TWIST2: variants seen among roughly 807,000 people sequenced by gnomAD.
TWIST2 encodes twist family bHLH transcription factor 2, also known as twist-related protein 2.
Under a neutral mutation model 11.6 loss-of-function variants are expected in TWIST2, and 1 was observed. The ratio of observed to expected loss-of-function variants is 0.09; its 90% CI spans 0.03 to 0.41. The LOEUF (loss-of-function observed/expected upper bound fraction) is 0.41. TWIST2 is among the 10% of genes least tolerant of loss of function. TWIST2 has a pLI of 0.98. For synonymous variants in TWIST2, 87 were observed against 96.6 expected (o/e 0.90, Z 0.58); for missense variants, 168 against 226.4 (o/e 0.74, Z 1.66).
At chr2:238,870,570 A>C (rs1280858827) in intron 1 of TWIST2, among the ~76,000 whole-genome samples, 16 of 46,116 alleles carry the variant, frequency 3.5e-4, no homozygotes, top group African/African-American at 4.2e-4. Flanking sequence ...ACCACACACC[A>C]CACACCACAC....
chr2:238,879,416 C>T (rs963440789), intron 1 of TWIST2, among the ~76,000 whole-genome samples: 1 of 152,178 alleles, frequency 6.6e-6, no homozygotes, highest in African/African-American at 2.4e-5. Flanking sequence ...GCTTCTCATT[C>T]TACATGTTGG....
At chr2:238,909,682 G>C (rs1693420731) in intron 1 of TWIST2, among the ~76,000 whole-genome samples, 160 bp from the exon 2 acceptor site, 1 of 152,150 alleles carries the variant, frequency 6.6e-6, no homozygotes, top group East Asian at 1.9e-4. Flanking sequence ...GCAGTCACCT[G>C]CCCAGTGTCT....
At chr2:238,878,517 C>T (rs1192405816) in intron 1 of TWIST2, among the ~76,000 whole-genome samples, 1 of 152,176 alleles carries the variant, frequency 6.6e-6, no homozygotes, top group African/African-American at 2.4e-5. Flanking sequence ...ATCCCAGGTC[C>T]TGGTGATTGT....
intron 1 of TWIST2, among the ~76,000 whole-genome samples, chr2:238,854,714 A>G (rs1325683218): frequency 1.3e-5 from 2 of 152,140 alleles, no homozygotes; most frequent in South Asian, 4.1e-4. Flanking sequence ...GCCCCTGCTG[A>G]AGGGTGGAGA....
At chr2:238,908,685 T>C (rs1352724332) in intron 1 of TWIST2, among the ~76,000 whole-genome samples, 1 of 151,784 alleles carries the variant, frequency 6.6e-6, no homozygotes, top group African/African-American at 2.4e-5. Flanking sequence ...GTGTGTGGGG[T>C]GTGTGTAGTA....
At position 238,867,138 on chromosome 2, in the gene TWIST2, C is replaced by A. The variant is rs141706071; in HGVS notation, c.*35+18405C>A. On this transcript the variant is annotated intron_variant, in intron 1 of 1. Transcript: ENST00000612363. This position sits in a 1 kb window ranked among gnomAD's most constrained non-coding sequence, Gnocchi z 4.8. ...AGCCTCTTGTTTCGAGGGCCTTTTC[C>A]GTCCTCGAAGCCAGCAGCTGGAGGG... Among the ~76,000 whole-genome samples the A allele has an allele frequency of 9.9e-5, 15 of 152,160 alleles. No homozygotes were observed. The highest frequency in any genetic ancestry group is 2.1e-4 in the South Asian group (1 of 4,826).
intron 1 of TWIST2, among the ~76,000 whole-genome samples, chr2:238,906,475 GACAC>G (rs1286401876): frequency 5.3e-5 from 8 of 151,488 alleles, no homozygotes; most frequent in Non-Finnish European, 1.2e-4. Context: ...CTCCCACAGG[GACAC>G]ACAGACCCAC....
intron 1 of TWIST2, among the ~76,000 whole-genome samples, chr2:238,870,542 C>CACACACAAA (rs1692655995): frequency 5.0e-5 from 2 of 39,884 alleles, no homozygotes; most frequent in East Asian, 7.1e-4. Context: ...CCCTACATAC[C>CACACACAAA]CCACACACCC....
Position 238,863,267 on chromosome 2 carries a change from C to T in TWIST2, c.*35+14534C>T, listed in dbSNP as rs150802418. On this transcript the variant is annotated intron_variant, in intron 1 of 1. Coordinates refer to ENST00000612363, the MANE Select transcript of TWIST2 (RefSeq NM_001271893.4). This position sits in a 1 kb window ranked among gnomAD's most constrained non-coding sequence, Gnocchi z 4.7. ...GAATGCCCTCACCGCAACCCCCACTCGGTGTTAGGACTTAGGTACTTGCTG... is the reference window on the plus strand; with the variant it reads ...GAATGCCCTCACCGCAACCCCCACTTGGTGTTAGGACTTAGGTACTTGCTG... 7.2e-5 allele frequency among the ~76,000 whole-genome samples: 11 copies of T among 152,238 alleles called. No individual in the cohort carries two copies. Among genetic ancestry groups the T allele is most frequent in the East Asian group, 3.9e-4 (2 of 5,182 alleles).
In TWIST2 at chr2:238,848,249, G is replaced by T; in HGVS notation, c.34G>T (p.Val12Leu). 2 of 1,513,560 alleles carry T rather than the reference G, an allele frequency of 1.3e-6. No homozygotes were observed. The highest frequency in any genetic ancestry group is 1.8e-6 in the Non-Finnish European group (2 of 1,131,878). The allele number at this position is 1,513,560 out of a possible 1,614,324, so 93.8% of individuals were successfully genotyped here. The change falls in exon 1 of 2, where the codon GTG becomes TTG. Residue 12 changes from valine (V) to leucine (L), a missense_variant. Transcript: ENST00000612363. ...EEGSSSPVSP[V>L]DSLGTSEEEL... ...GGGCTCCAGCTCGCCCGTGTCCCCC[G>T]TGGACAGCCTGGGCACCAGCGAGGA... is the stretch of plus-strand genomic sequence containing the variant.
At chr2:238,908,801 G>A (rs1417415570) in intron 1 of TWIST2, among the ~76,000 whole-genome samples, 11 of 151,128 alleles carry the variant, frequency 7.3e-5, no homozygotes, top group African/African-American at 1.5e-4. Flanking sequence ...AGTGGGATGC[G>A]TGTGTAGTGT....
rs146874269 is a variant in TWIST2, at chr2:238,866,078, C to T, written c.*35+17345C>T. On this transcript the variant is annotated intron_variant, in intron 1 of 1. Coordinates refer to ENST00000612363, the MANE Select transcript of TWIST2 (RefSeq NM_001271893.4). The surrounding 1 kb of genome is among the most constrained non-coding windows in gnomAD (Gnocchi z 4.9). ...ATGGAATAGCATGGACGATGCACCC[C>T]ACACTGCATCTGGTGTTACTGGGAC... Among the ~76,000 whole-genome samples the T allele has an allele frequency of 3.8e-3, 579 of 152,290 alleles. 5 individuals carry two copies. Among genetic ancestry groups the T allele is most frequent in the African/African-American group, 0.013 (550 of 41,554 alleles).
At chr2:238,891,391 G>A (rs887975165) in intron 1 of TWIST2, among the ~76,000 whole-genome samples, 2 of 152,238 alleles carry the variant, frequency 1.3e-5, no homozygotes. Context: ...GAGCACCTGT[G>A]TGTCTCCTCA....
rs1272778575 is a variant in TWIST2, at chr2:238,904,317, T to G, written c.*36-5525T>G. 4.2e-5 allele frequency among the ~76,000 whole-genome samples: 6 copies of G among 143,568 alleles called. No individual in the cohort carries two copies. The East Asian group carries it at 6.3e-4, about 15-fold the overall frequency. The allele number at this position is 143,568 out of a possible 152,430, so 94.2% of individuals were successfully genotyped here. A position where few individuals can be genotyped will look rare whatever the true frequency, so the allele number is the denominator to read the frequency against. On this transcript the variant is annotated intron_variant, in intron 1 of 1. Transcript: ENST00000612363. ...TGATGGGGGTGTGTCTAATGTGAGGTGTGTGTGTGTGATATGGGATGTGTG... is the reference window on the plus strand; with the variant it reads ...TGATGGGGGTGTGTCTAATGTGAGGGGTGTGTGTGTGATATGGGATGTGTG...
intron 1 of TWIST2, among the ~76,000 whole-genome samples, chr2:238,903,256 AGT>A (rs1574769093): frequency 1.0e-5 from 1 of 100,468 alleles, no homozygotes; most frequent in Non-Finnish European, 2.0e-5. Flanking sequence ...TGTGAGATGT[AGT>A]GTGTGTGCGA....
chr2:238,853,472 A>AGG (rs1187849281), intron 1 of TWIST2, among the ~76,000 whole-genome samples: 2 of 151,676 alleles, frequency 1.3e-5, no homozygotes, highest in African/African-American at 4.8e-5. Context: ...AGAGAGAGAG[A>AGG]GAGAGAGAAA....
At chr2:238,889,584 T>G (rs72988250) in intron 1 of TWIST2, among the ~76,000 whole-genome samples, 3 of 152,060 alleles carry the variant, frequency 2.0e-5, no homozygotes, top group Non-Finnish European at 4.4e-5. Flanking sequence ...TGATAGATAT[T>G]TGTTGTTGAG....
rs1240449031 is a variant in TWIST2 at position 238,866,956 on chromosome 2, G to A, written c.*35+18223G>A. ...TGCACAAGTGGGGGTCATGGAGGGA[G>A]CCTCTGTTTCCCCACCAAGTACACC... is the stretch of plus-strand genomic sequence containing the variant. On this transcript the variant is annotated intron_variant, in intron 1 of 1. Coordinates refer to ENST00000612363, the MANE Select transcript of TWIST2 (RefSeq NM_001271893.4). This position sits in a 1 kb window ranked among gnomAD's most constrained non-coding sequence, Gnocchi z 4.9. Among the ~76,000 whole-genome samples the A allele has an allele frequency of 6.6e-6, 1 of 152,200 alleles. No individual in the cohort carries two copies. Among genetic ancestry groups the A allele is most frequent in the Non-Finnish European group, 1.5e-5 (1 of 68,042 alleles).
At chr2:238,909,557 C>T (rs1362534784) in intron 1 of TWIST2, among the ~76,000 whole-genome samples, 1 of 152,036 alleles carries the variant, frequency 6.6e-6, no homozygotes, top group African/African-American at 2.4e-5. Flanking sequence ...GGAGAGGCCC[C>T]GGGGTGGTGA....
Sources: allele counts gnomAD v4.1 joint callset (sites outside exome capture counted in the v4.1 genomes callset), GRCh38; gene constraint gnomAD v4.1.1; non-coding constraint Gnocchi (gnomAD v3.1); transcripts MANE v1.5; gene names NCBI Gene and HGNC (gene_info 2026-07-23, HGNC 2026-07-21).